PRDM5: variants seen among roughly 807,000 people sequenced by gnomAD.
The protein encoded by PRDM5 is PR domain zinc finger protein 5.
A neutral mutation model predicts 81.2 loss-of-function variants in PRDM5; 56 were observed. That is an observed-to-expected ratio of 0.69 (90% CI 0.56 to 0.86). The LOEUF is 0.86. PRDM5 is among the 40% of genes least tolerant of loss of function. The pLI is 0.00. For synonymous variants in PRDM5, 267 were observed against 256.4 expected (o/e 1.04, Z -0.39); for missense variants, 697 against 770.1 (o/e 0.91, Z 1.12).
At chr4:120,766,341 A>G (rs1193865985) in intron 13 of PRDM5, among the ~76,000 whole-genome samples, 1 of 152,206 alleles carries the variant, frequency 6.6e-6, no homozygotes, top group Non-Finnish European at 1.5e-5. Flanking sequence ...TCATTCAAGA[A>G]GGAAATAAAT....
chr4:120,850,004 T>C (rs757022819), intron 3 of PRDM5, among the ~76,000 whole-genome samples: 1 of 152,074 alleles, frequency 6.6e-6, no homozygotes, highest in Non-Finnish European at 1.5e-5. Flanking sequence ...ATAATTCAGA[T>C]ACTTAAGTCA....
intron 5 of PRDM5, 86 bp downstream of exon 5, chr4:120,818,267 C>A (rs1410452892): frequency 3.4e-5 from 50 of 1,455,584 alleles, no homozygotes; most frequent in Non-Finnish European, 4.5e-5. Context: ...CACACACACA[C>A]ACACAGGTTA....
intron 4 of PRDM5, among the ~76,000 whole-genome samples, chr4:120,819,959 A>G (rs1755045016): frequency 1.3e-5 from 2 of 152,224 alleles, no homozygotes; most frequent in African/African-American, 2.4e-5. Flanking sequence ...TAGAACAGAA[A>G]AAGTACAGGA....
chr4:120,891,321 G>A (rs140024822), intron 2 of PRDM5, among the ~76,000 whole-genome samples: 119 of 152,268 alleles, frequency 7.8e-4, no homozygotes, highest in Non-Finnish European at 1.5e-3. Context: ...TGTGTGCATA[G>A]AGGTTTTCAT....
At chr4:120,709,706 GTT>G (rs11289196) in intron 15 of PRDM5, among the ~76,000 whole-genome samples, 1 of 151,880 alleles carries the variant, frequency 6.6e-6, no homozygotes, top group East Asian at 1.9e-4. Flanking sequence ...AAGAACAGTG[GTT>G]TTTTTTCCCC....
intron 11 of PRDM5, among the ~76,000 whole-genome samples, chr4:120,781,987 C>T (rs1479425169): frequency 3.9e-5 from 6 of 152,118 alleles, no homozygotes; most frequent in Non-Finnish European, 8.8e-5. Flanking sequence ...ACTTTCTTCT[C>T]ATTATCCAGC....
rs538255362 is a variant in PRDM5 at position 120,741,414 on chromosome 4, G to C, written c.1623+13139C>G. Among the ~76,000 whole-genome samples, 8 of 151,762 alleles carry C rather than the reference G, an allele frequency of 5.3e-5. No homozygotes were observed. In the East Asian group the frequency reaches 5.9e-4, roughly 11 times the overall value. On this transcript the variant is annotated intron_variant, in intron 14 of 15. Transcript: ENST00000264808. The stretch of plus-strand genomic sequence containing the variant: ...ATTGGTCAAAATTTTTGGTTATCAG[G>C]GGGGAGGAGCCAAGATGGCCGAATA...
At chr4:120,756,530 T>C (rs536229393) in intron 13 of PRDM5, among the ~76,000 whole-genome samples, 1 of 152,298 alleles carries the variant, frequency 6.6e-6, no homozygotes, top group South Asian at 2.1e-4. Flanking sequence ...AACATTATAG[T>C]AATAGCAGTA....
chr4:120,825,783 G>A lies in PRDM5; in HGVS notation c.301-4438C>T, dbSNP rs182635333. 5.3e-5 allele frequency among the ~76,000 whole-genome samples: 8 copies of A among 152,206 alleles called. No individual in the cohort carries two copies. The East Asian group carries it at 1.5e-3, about 29-fold the overall frequency. On this transcript the variant is annotated intron_variant, in intron 3 of 15. Transcript: ENST00000264808. ...AATGCTCTGCCCTGGATCTCCTGTTGTCATGCTCTCTTCCACTGTTAACAT... is the reference window on the plus strand; with the variant it reads ...AATGCTCTGCCCTGGATCTCCTGTTATCATGCTCTCTTCCACTGTTAACAT...
chr4:120,749,393 C>T (rs1743630877), intron 14 of PRDM5, among the ~76,000 whole-genome samples: 1 of 152,132 alleles, frequency 6.6e-6, no homozygotes, highest in Non-Finnish European at 1.5e-5. Flanking sequence ...TCCACTGGCT[C>T]CATCAGGGTT....
chr4:120,922,335 A>C (rs1725055894), intron 1 of PRDM5, among the ~76,000 whole-genome samples, 181 bp downstream of exon 1: 1 of 151,724 alleles, frequency 6.6e-6, no homozygotes, highest in Admixed American at 6.6e-5. Context: ...TGGCGCAGCG[A>C]GTAAAGGCCA....
chr4:120,878,062 A>G (rs1326275465), intron 2 of PRDM5, among the ~76,000 whole-genome samples: 2 of 152,246 alleles, frequency 1.3e-5, no homozygotes, highest in Non-Finnish European at 2.9e-5. Flanking sequence ...CCATATGGTA[A>G]CTAAACATTC....
At chr4:120,756,085 T>C (rs574105803) in intron 13 of PRDM5, among the ~76,000 whole-genome samples, 2 of 152,324 alleles carry the variant, frequency 1.3e-5, no homozygotes, top group East Asian at 3.9e-4. Context: ...CTTAGGATCA[T>C]CGTGACTCTG....
At chr4:120,786,355 C>T (rs546390801) in intron 10 of PRDM5, among the ~76,000 whole-genome samples, 3 of 151,618 alleles carry the variant, frequency 2.0e-5, no homozygotes, top group African/African-American at 7.3e-5. Context: ...TGCTATTTAC[C>T]CAAAGAAATT....
At chr4:120,745,788 C>T (rs1427216474) in intron 14 of PRDM5, among the ~76,000 whole-genome samples, 2 of 145,696 alleles carry the variant, frequency 1.4e-5, no homozygotes, top group South Asian at 4.4e-4. Flanking sequence ...AAAGAGGATA[C>T]AAACAAATGG....
chr4:120,830,572 T>C (rs1756594704), intron 3 of PRDM5, among the ~76,000 whole-genome samples: 1 of 152,002 alleles, frequency 6.6e-6, no homozygotes, highest in African/African-American at 2.4e-5. Context: ...AGAATAATAT[T>C]CTTAAAAATT....
chr4:120,813,454 A>G (rs1270347353), intron 7 of PRDM5, among the ~76,000 whole-genome samples: 12 of 152,322 alleles, frequency 7.9e-5, no homozygotes, highest in Middle Eastern at 6.8e-3. Context: ...AAGTAAAATC[A>G]ATATTACAAA....
chr4:120,746,520 T>C (rs998003900), intron 14 of PRDM5, among the ~76,000 whole-genome samples: 1 of 135,862 alleles, frequency 7.4e-6, no homozygotes, highest in Non-Finnish European at 1.6e-5. Context: ...GAGAAAATTT[T>C]CGCAACCTAC....
intron 14 of PRDM5, among the ~76,000 whole-genome samples, chr4:120,753,696 T>C (rs75778110): frequency 0.19 from 29,617 of 151,914 alleles, 3,534 homozygotes; most frequent in Non-Finnish European, 0.27. Context: ...GATAAGTCTC[T>C]TAAAATTTGA....
Sources: allele counts gnomAD v4.1 joint callset (sites outside exome capture counted in the v4.1 genomes callset), GRCh38; gene constraint gnomAD v4.1.1; transcripts MANE v1.5; gene names NCBI Gene and HGNC (gene_info 2026-07-23, HGNC 2026-07-21).